ARHGEF4: variants seen among roughly 807,000 people sequenced by gnomAD.
The protein encoded by ARHGEF4 is Rho guanine nucleotide exchange factor 4, also known as APC-stimulated guanine nucleotide exchange factor 1.
In ARHGEF4, 119 loss-of-function variants were observed where a neutral mutation model predicts 162.0. That is an observed-to-expected ratio of 0.73 (90% CI 0.63 to 0.86). The LOEUF (loss-of-function observed/expected upper bound fraction) is 0.86, where lower values mean the gene tolerates loss of function less well. Among genes scored for constraint, ARHGEF4 ranks in the 40% least tolerant of loss-of-function variants. The pLI, the probability that ARHGEF4 is intolerant of heterozygous loss-of-function variation, is 0.00. For missense variants in ARHGEF4, 2,488 were observed against 2,456.0 expected, an observed-to-expected ratio of 1.01 and a Z score of -0.28; for synonymous variants, 1,014 against 979.9, an observed-to-expected ratio of 1.03 and a Z score of -0.65.
chr2:130,929,233 G>A (rs1430537044), intron 2 of ARHGEF4, among the ~76,000 whole-genome samples: 1 of 152,142 alleles, frequency 6.6e-6, no homozygotes, highest in Non-Finnish European at 1.5e-5. Context: ...CAATATTTGG[G>A]AGCTCAAATA....
rs1330871767 is a variant in ARHGEF4, at chr2:131,004,589, T to A, written c.3986-23356T>A. On this transcript the variant is annotated intron_variant, in intron 4 of 13. Transcript: ENST00000409359. ...CCCACTTGGTGGCAGAGTGCGGCCC[T>A]CCTTGTCACACAGCCCGGCCTCGAT... Among the ~76,000 whole-genome samples, 3 of 152,120 alleles carry A rather than the reference T, an allele frequency of 2.0e-5. No homozygotes were observed. In the East Asian group the frequency reaches 5.8e-4, roughly 29 times the overall value.
intron 4 of ARHGEF4, among the ~76,000 whole-genome samples, chr2:131,002,709 C>CAAAAAA (rs66979991): frequency 1.1e-4 from 6 of 53,244 alleles, no homozygotes; most frequent in African/African-American, 1.5e-4. Flanking sequence ...GACTCCGTCT[C>CAAAAAA]AAAAAAAAAA....
At chr2:131,039,945 C>T (rs1299289261) in intron 6 of ARHGEF4, 71 bp from the exon 7 acceptor site, 3 of 1,515,774 alleles carry the variant, frequency 2.0e-6, no homozygotes, top group Non-Finnish European at 2.6e-6. Flanking sequence ...CGGTTCCCGC[C>T]GCTGCGGCGC....
intron 1 of ARHGEF4, among the ~76,000 whole-genome samples, chr2:130,855,839 A>G (rs1559003435): frequency 6.6e-6 from 1 of 151,186 alleles, no homozygotes; most frequent in African/African-American, 2.5e-5. Context: ...AGTTTAAACA[A>G]ATAAACAATT....
At chr2:130,864,763 A>G (rs140158219) in intron 1 of ARHGEF4, among the ~76,000 whole-genome samples, 1 of 152,366 alleles carries the variant, frequency 6.6e-6, no homozygotes, top group Non-Finnish European at 1.5e-5. Context: ...AAGTATTAGT[A>G]CAAACATGTT....
intron 5 of ARHGEF4, among the ~76,000 whole-genome samples, chr2:131,038,150 G>C (rs920070601): frequency 6.6e-6 from 1 of 152,156 alleles, no homozygotes; most frequent in African/African-American, 2.4e-5. Context: ...TGGATGAAGG[G>C]GCATTGTGGT....
intron 1 of ARHGEF4, among the ~76,000 whole-genome samples, chr2:130,892,983 C>T (rs1445961181): frequency 1.3e-5 from 2 of 152,212 alleles, no homozygotes; most frequent in East Asian, 1.9e-4. Flanking sequence ...TTCCTGTTTA[C>T]GGGACAGTGG....
intron 2 of ARHGEF4, among the ~76,000 whole-genome samples, chr2:130,922,923 G>GAGATAT (rs151110273): frequency 2.1e-5 from 3 of 145,512 alleles, no homozygotes; most frequent in Non-Finnish European, 4.5e-5. Flanking sequence ...CCTCTTTAAT[G>GAGATAT]ATATATATAT....
At chr2:131,024,391 T>G (rs1294153814) in intron 4 of ARHGEF4, among the ~76,000 whole-genome samples, 1 of 139,498 alleles carries the variant, frequency 7.2e-6, no homozygotes, top group African/African-American at 2.5e-5. Context: ...TTCTCCTGCC[T>G]CAGCCTCCTG....
At chr2:130,935,998 G>A (rs1682921962) in intron 3 of ARHGEF4, among the ~76,000 whole-genome samples, 1 of 152,212 alleles carries the variant, frequency 6.6e-6, no homozygotes, top group African/African-American at 2.4e-5. Flanking sequence ...CCGGGAGGCA[G>A]AGGTTGCAGT....
intron 5 of ARHGEF4, among the ~76,000 whole-genome samples, chr2:131,031,566 A>G (rs898749148): frequency 3.3e-5 from 5 of 152,216 alleles, no homozygotes; most frequent in African/African-American, 1.2e-4. Context: ...ATTGTCCCAT[A>G]TGGGCCTGAG....
chr2:130,960,327 C>T (rs1228057291), intron 4 of ARHGEF4, among the ~76,000 whole-genome samples: 1 of 152,074 alleles, frequency 6.6e-6, no homozygotes, highest in Non-Finnish European at 1.5e-5. Flanking sequence ...TATATTTTTA[C>T]TGTGCCTTTC....
At chr2:131,044,579 G>A in intron 12 of ARHGEF4, 37 bp downstream of exon 12, 3 of 1,532,806 alleles carry the variant, frequency 2.0e-6, no homozygotes, top group Non-Finnish European at 2.6e-6. Flanking sequence ...CGCCCCCAGG[G>A]CCCACCCGGC....
intron 1 of ARHGEF4, among the ~76,000 whole-genome samples, chr2:130,852,245 CA>C: frequency 6.6e-6 from 1 of 152,186 alleles, no homozygotes; most frequent in East Asian, 1.9e-4. Context: ...GCGACAGCGT[CA>C]CCTGTGCAGT....
rs759410848 is a variant in ARHGEF4 at position 131,044,369 on chromosome 2, T to A, written c.5228T>A (p.Leu1743Gln). 9.4e-6 allele frequency: 15 copies of A among 1,601,392 alleles called. No homozygotes were observed. The highest frequency in any genetic ancestry group is 1.2e-5 in the Non-Finnish European group (14 of 1,174,312). ...ATGGACGGCCTGGAGGTGGTGGACC[T>A]GGAGGACGGGAAGGACAGAGACCTC... The part of the protein sequence containing the change: ...LDMDGLEVVD[L>Q]EDGKDRDLHV... The change falls in exon 12 of 14, where the codon CTG (leucine) becomes CAG (glutamine). Residue 1743 changes from leucine (L) to glutamine (Q), a missense_variant. By Grantham distance (113) the Leu-to-Gln change is moderately radical. Coordinates refer to ENST00000409359, the MANE Select transcript of ARHGEF4 (RefSeq NM_001367493.1).
Position 131,041,956 on chromosome 2 carries a change from G to A in ARHGEF4, c.5025+12G>A. On this transcript the variant is annotated intron_variant, in intron 10 of 13. Transcript: ENST00000409359. ...TAGAGGACTGGGAGGTGAGGGCCTG[G>A]GGGCACAGAAAATTCCAGGAGGTCT... 1.9e-6 allele frequency: 3 copies of A among 1,609,124 alleles called. No homozygotes were observed. Among genetic ancestry groups the A allele is most frequent in the Non-Finnish European group, 2.5e-6 (3 of 1,177,574 alleles).
intron 3 of ARHGEF4, among the ~76,000 whole-genome samples, chr2:130,937,869 G>A (rs892337762): frequency 9.9e-5 from 15 of 151,820 alleles, no homozygotes; most frequent in Admixed American, 6.6e-5. Context: ...GGGTTTCACC[G>A]TGTTAGCCAG....
intron 1 of ARHGEF4, among the ~76,000 whole-genome samples, chr2:130,907,169 A>C (rs1680864541): frequency 6.9e-6 from 1 of 145,720 alleles, no homozygotes; most frequent in Non-Finnish European, 1.5e-5. Flanking sequence ...AAATGCACTT[A>C]TGGTCCTTCC....
chr2:130,931,483 G>A (rs1682630426), intron 3 of ARHGEF4, among the ~76,000 whole-genome samples: 1 of 152,162 alleles, frequency 6.6e-6, no homozygotes, highest in Non-Finnish European at 1.5e-5. Context: ...CAGAAGCCAG[G>A]GCCCCCTCTT....
Sources: gnomAD v4.1 joint callset for allele counts (sites outside exome capture counted in the v4.1 genomes callset) on GRCh38, gnomAD v4.1.1 for gene constraint, MANE v1.5 for transcripts, NCBI Gene and HGNC (gene_info 2026-07-23, HGNC 2026-07-21) for gene names.